Variants in AGL observed in about 807,000 individuals in gnomAD.
AGL encodes the protein amylo-alpha-1,6-glucosidase and 4-alpha-glucanotransferase.
In AGL, 128 loss-of-function variants were observed where a neutral mutation model predicts 199.3. The observed-to-expected ratio is 0.64, with a 90% CI of 0.56 to 0.74. The LOEUF is 0.74. Ranked by LOEUF, AGL falls within the 30% of genes least tolerant of loss-of-function variation. The pLI, the probability that AGL is intolerant of heterozygous loss-of-function variation, is 0.00. For missense variants in AGL, 1,809 were observed against 1,820.8 expected, an observed-to-expected ratio of 0.99 and a Z score of 0.12; for synonymous variants, 584 against 594.7, an observed-to-expected ratio of 0.98 and a Z score of 0.26.
chr1:99,866,792 A>G (rs1397110942), intron 5 of AGL, among the ~76,000 whole-genome samples: 3 of 68,132 alleles, frequency 4.4e-5, no homozygotes, highest in African/African-American at 1.7e-4. Context: ...TCTGTGAAAC[A>G]AGTTTTCTTT....
intron 2 of AGL, among the ~76,000 whole-genome samples, chr1:99,854,236 A>G (rs890740982): frequency 6.6e-5 from 10 of 152,184 alleles, no homozygotes; most frequent in Admixed American, 1.3e-4. Context: ...GAGGATAGGG[A>G]CAGCCTTACA....
intron 11 of AGL, 38 bp downstream of exon 11, chr1:99,876,635 A>G: frequency 6.2e-7 from 1 of 1,610,892 alleles, no homozygotes; most frequent in Non-Finnish European, 8.5e-7. Flanking sequence ...TGGGGAAAGA[A>G]TAGTTCATGG....
chr1:99,908,459 T>C (rs1340921409), intron 27 of AGL, among the ~76,000 whole-genome samples: 1 of 152,178 alleles, frequency 6.6e-6, no homozygotes, highest in Non-Finnish European at 1.5e-5. Flanking sequence ...TCTTCTAACT[T>C]TGTTCTTTTT....
intron 2 of AGL, among the ~76,000 whole-genome samples, chr1:99,858,396 T>C (rs2101076336): frequency 6.6e-6 from 1 of 152,348 alleles, no homozygotes; most frequent in South Asian, 2.1e-4. Flanking sequence ...TTGGCACATA[T>C]TTTCCTGCAA....
chr1:99,874,484 C>T, intron 7 of AGL: 1 of 557,786 alleles, frequency 1.8e-6, no homozygotes, highest in Admixed American at 3.2e-5. Flanking sequence ...CCCCACACCC[C>T]TCGTGTGTGT....
At chr1:99,864,234 G>T (rs1650313252) in intron 4 of AGL, 152 bp from the exon 5 acceptor site, 2 of 713,352 alleles carry the variant, frequency 2.8e-6, no homozygotes, top group Admixed American at 4.5e-5. Context: ...GTACAGTTAG[G>T]ATTTGAACCC....
intron 21 of AGL, among the ~76,000 whole-genome samples, chr1:99,889,919 A>G (rs989610655): frequency 6.6e-6 from 1 of 152,200 alleles, no homozygotes; most frequent in Admixed American, 6.5e-5. Context: ...CAGGCTGCTA[A>G]TAAGAGCCTC....
At position 99,900,710 on chromosome 1, in the gene AGL, C is replaced by T. The variant is rs867496787; in HGVS notation, c.3437C>T (p.Ala1146Val). The change falls in exon 26 of 34, where the codon GCC becomes GTC. Residue 1146 changes from alanine to valine, a missense_variant. Coordinates refer to ENST00000361915, the MANE Select transcript of AGL (RefSeq NM_000642.3). Reference sequence around the variant, plus strand: ...AATCTACTGGGTGAAGGAATTTATGCCAGATACAATTGTCGGGATGCTGTG... The same window carrying T: ...AATCTACTGGGTGAAGGAATTTATGTCAGATACAATTGTCGGGATGCTGTG... ...IPNLLGEGIY[A>V]RYNCRDAVWW... 4.3e-6 allele frequency: 7 copies of T among 1,613,914 alleles called. No homozygotes were observed. The highest frequency in any genetic ancestry group is 2.7e-5 in the African/African-American group (2 of 74,864).
intron 24 of AGL, among the ~76,000 whole-genome samples, chr1:99,893,146 C>A (rs1653037891): frequency 6.6e-6 from 1 of 151,994 alleles, no homozygotes; most frequent in Non-Finnish European, 1.5e-5. Context: ...CTTTTGTTTT[C>A]TTTTTAATAC....
intron 7 of AGL, among the ~76,000 whole-genome samples, chr1:99,874,033 T>A (rs2101123360): frequency 6.6e-6 from 1 of 152,292 alleles, no homozygotes; most frequent in African/African-American, 2.4e-5. Flanking sequence ...AACCATTTAT[T>A]TCCTTTTTAA....
At chr1:99,914,261 T>G (rs1034697588) in intron 30 of AGL, among the ~76,000 whole-genome samples, 47 of 152,366 alleles carry the variant, frequency 3.1e-4, no homozygotes, top group Admixed American at 3.1e-3. Flanking sequence ...CTCTGTATCC[T>G]ACACACCTGT....
At chr1:99,919,231 A>T (rs1655346826) in intron 33 of AGL, among the ~76,000 whole-genome samples, 1 of 152,148 alleles carries the variant, frequency 6.6e-6, no homozygotes, top group South Asian at 2.1e-4. Flanking sequence ...AGGTATGGTA[A>T]TCATAGGGTT....
At chr1:99,861,347 A>C (rs1257676624) in intron 2 of AGL, 156 bp from the exon 3 acceptor site, 1 of 1,503,920 alleles carries the variant, frequency 6.6e-7, no homozygotes, top group Non-Finnish European at 8.8e-7. Flanking sequence ...GCTAAATTGG[A>C]ATACAAAGTA....
At chr1:99,916,272 T>G (rs1422755413) in intron 31 of AGL, 138 bp from the exon 32 acceptor site, 1 of 678,258 alleles carries the variant, frequency 1.5e-6, no homozygotes, top group Non-Finnish European at 2.5e-6. Context: ...AGATGGATGA[T>G]GTACTAATGC....
At chr1:99,903,683 T>C (rs1654028894) in intron 27 of AGL, among the ~76,000 whole-genome samples, 2 of 152,232 alleles carry the variant, frequency 1.3e-5, no homozygotes, top group African/African-American at 4.8e-5. Flanking sequence ...ATGGTATTTC[T>C]AGTTCTAGAT....
chr1:99,877,534 C>T, intron 11 of AGL, 107 bp from the exon 12 acceptor site: 1 of 979,264 alleles, frequency 1.0e-6, no homozygotes, highest in Non-Finnish European at 1.6e-6. Context: ...ACCAATATAT[C>T]ATTTATGGCA....
intron 33 of AGL, among the ~76,000 whole-genome samples, chr1:99,919,237 G>A (rs1655347487): frequency 6.6e-6 from 1 of 152,176 alleles, no homozygotes; most frequent in East Asian, 1.9e-4. Flanking sequence ...GGTAATCATA[G>A]GGTTTGCTTC....
intron 22 of AGL, 98 bp downstream of exon 22, chr1:99,891,454 AT>A: frequency 6.6e-7 from 1 of 1,521,606 alleles, no homozygotes; most frequent in Non-Finnish European, 9.0e-7. Flanking sequence ...AACCTGAACC[AT>A]TTTCCTCCTT....
At chr1:99,865,811 T>C (rs1650456009) in intron 5 of AGL, among the ~76,000 whole-genome samples, 1 of 152,222 alleles carries the variant, frequency 6.6e-6, no homozygotes, top group South Asian at 2.1e-4. Context: ...TAGATCTGGT[T>C]CATCAATATA....
Sources: allele counts gnomAD v4.1 joint callset (sites outside exome capture counted in the v4.1 genomes callset), GRCh38; gene constraint gnomAD v4.1.1; transcripts MANE v1.5; gene names NCBI Gene and HGNC (gene_info 2026-07-23, HGNC 2026-07-21).